CCNL2: variants seen among roughly 807,000 people sequenced by gnomAD.
CCNL2 encodes the protein cyclin L2, also known as cyclin-L2.
A neutral mutation model predicts 59.1 loss-of-function variants in CCNL2; 28 were observed. The observed-to-expected ratio is 0.47, with a 90% confidence interval of 0.35 to 0.65. The LOEUF (loss-of-function observed/expected upper bound fraction) is 0.65. CCNL2 is among the 30% of genes least tolerant of loss of function. CCNL2 has a pLI of 0.00. For missense variants in CCNL2, 714 were observed against 717.4 expected (o/e 1.00, Z 0.05); for synonymous variants, 342 against 288.6 (o/e 1.19, Z -1.88).
Position 1,386,498 on chromosome 1 carries a change from T to G in CCNL2, c.*733A>C, listed in dbSNP as rs1014080495. 3 of 152,626 alleles carry G rather than the reference T, an allele frequency of 2.0e-5. No homozygotes were observed. Among genetic ancestry groups the G allele is most frequent in the Admixed American group, 6.5e-5 (1 of 15,276 alleles). 9.5% of individuals were successfully genotyped at this position (152,626 alleles called of 1,614,324 possible). A position where few individuals can be genotyped will look rare whatever the true frequency, so the allele number is the denominator to read the frequency against. On this transcript the variant is annotated 3_prime_UTR_variant, in exon 11 of 11. Transcript: ENST00000400809. ...CACGTCCATAACGCTCCGGATGTCC[T>G]GAGTGGAGAGAGTTGTGTTTATTCA...
intron 3 of CCNL2, among the ~76,000 whole-genome samples, chr1:1,396,466 A>G (rs1645027658): frequency 6.8e-6 from 1 of 147,534 alleles, no homozygotes; most frequent in South Asian, 2.4e-4. Context: ...GGGTTTCTAC[A>G]TGTTGGTCAG....
At chr1:1,391,446 G>A (rs1644756901) in intron 5 of CCNL2, 4 of 1,233,716 alleles carry the variant, frequency 3.2e-6, no homozygotes, top group South Asian at 1.4e-5. Context: ...CCACTTGGAA[G>A]AGGGAAAAGC....
intron 8 of CCNL2, 110 bp from the exon 9 acceptor site, chr1:1,388,175 A>T: frequency 1.2e-6 from 1 of 811,154 alleles, no homozygotes. Context: ...CGACGCAAGC[A>T]GACTGTAACT....
intron 5 of CCNL2, chr1:1,392,963 G>A: frequency 1.4e-6 from 1 of 724,676 alleles, no homozygotes; most frequent in Non-Finnish European, 2.3e-6. Context: ...ATACTACATT[G>A]CACTTTAGGG....
At chr1:1,390,990 G>A (rs887642798) in intron 5 of CCNL2, 125 bp from the exon 6 acceptor site, 2 of 907,114 alleles carry the variant, frequency 2.2e-6, no homozygotes, top group African/African-American at 3.3e-5. Context: ...CTAGGACTCA[G>A]AGCTAGACAG....
chr1:1,392,362 C>T (rs187897476), intron 5 of CCNL2: 18 of 1,041,568 alleles, frequency 1.7e-5, no homozygotes, highest in Non-Finnish European at 2.1e-5. Context: ...TAAAGATGCA[C>T]ACCTTTTACC....
At chr1:1,388,858 C>T (rs1035324594) in intron 8 of CCNL2, 7 of 361,862 alleles carry the variant, frequency 1.9e-5, no homozygotes, top group Non-Finnish European at 3.1e-5. Flanking sequence ...GGCAGATCAA[C>T]TGAGATCAGG....
intron 3 of CCNL2, among the ~76,000 whole-genome samples, chr1:1,396,111 G>A (rs898756026): frequency 1.5e-4 from 22 of 150,444 alleles, no homozygotes; most frequent in African/African-American, 4.9e-4. Context: ...CCCAGGAGGC[G>A]GAGGTTTCAG....
intron 3 of CCNL2, among the ~76,000 whole-genome samples, chr1:1,396,747 TTTTTTTTTTA>T (rs1465502070): frequency 1.6e-4 from 23 of 143,268 alleles, no homozygotes; most frequent in Non-Finnish European, 2.8e-4. Context: ...ACCCGGCTAA[TTTTTTTTTTA>T]TTTTTTTTTG....
At chr1:1,395,926 C>T (rs1644994881) in intron 3 of CCNL2, among the ~76,000 whole-genome samples, 2 of 152,208 alleles carry the variant, frequency 1.3e-5, no homozygotes, top group South Asian at 4.2e-4. Flanking sequence ...GCCTGTAATC[C>T]CAGCACTTTG....
intron 5 of CCNL2, chr1:1,391,178 G>C (rs1644743812): frequency 8.7e-7 from 1 of 1,155,550 alleles, no homozygotes; most frequent in Non-Finnish European, 1.1e-6. Context: ...CTCAACCTTG[G>C]CCTGCTCTCA....
chr1:1,392,819 T>C (rs1269750965), intron 5 of CCNL2: 7 of 1,611,698 alleles, frequency 4.3e-6, no homozygotes, highest in Non-Finnish European at 5.9e-6. Context: ...ATTGAAAGAG[T>C]ACAGAAAAGA....
At chr1:1,393,269 TG>T in intron 5 of CCNL2, 126 bp downstream of exon 5, 1 of 763,788 alleles carries the variant, frequency 1.3e-6, no homozygotes, top group Non-Finnish European at 2.3e-6. Context: ...GCAGGAGCAC[TG>T]GGCACTCGGA....
In CCNL2 at chr1:1,399,094, G is replaced by C. The variant is rs766026340; in HGVS notation, c.213C>G (p.Thr71=). The C allele has an allele frequency of 6.2e-7, 1 of 1,611,756 alleles. No homozygotes were observed. Among genetic ancestry groups the C allele is most frequent in the South Asian group, 1.1e-5 (1 of 90,966 alleles). The change falls in exon 1 of 11, where the codon ACC becomes ACG. Residue 71 remains threonine (T), a synonymous_variant. Transcript: ENST00000400809. ...FTPSMSSGLD[T]DTETDLRVVG... ...CCACGCGGAGGTCGGTCTCTGTGTC[G>C]GTGTCGAGGCCGCTCGACATGGACG...
rs1408712049 is a variant in CCNL2 at position 1,390,462 on chromosome 1, T to C, written c.861A>G (p.Lys287=). Reference sequence around the variant, plus strand: ...ACATGAAAAAATGCCGAAGAACCTTTTTCCGAGCATAAAGCTGCAAGATCT... The same window carrying C: ...ACATGAAAAAATGCCGAAGAACCTTCTTCCGAGCATAAAGCTGCAAGATCT... The part of the protein sequence containing the change: ...CLKILQLYAR[K]KVDLTHLEGE... Residue 287 remains lysine, a synonymous_variant, in exon 7 of 11, where the codon AAA becomes AAG. Coordinates refer to ENST00000400809, the MANE Select transcript of CCNL2 (RefSeq NM_030937.6). The C allele has an allele frequency of 6.2e-7, 1 of 1,613,284 alleles. No individual in the cohort carries two copies. The highest frequency in any genetic ancestry group is 1.1e-5 in the South Asian group (1 of 90,842).
Position 1,388,084 on chromosome 1 carries a change from G to GT in CCNL2, c.1007-20dup, listed in dbSNP as rs1557709511. The stretch of plus-strand genomic sequence containing the variant: ...GATTCCACTAGAATCAGAACAAGAG[G>GT]TTAAAAGCCAACCACAAAACACTCT... On this transcript the variant is annotated intron_variant, in intron 8 of 10. Transcript: ENST00000400809. 6.3e-7 allele frequency: 1 copy of GT among 1,592,426 alleles called. No individual in the cohort carries two copies. Among genetic ancestry groups the GT allele is most frequent in the Non-Finnish European group, 8.6e-7 (1 of 1,160,914 alleles).
chr1:1,388,447 G>C (rs1485709546), intron 8 of CCNL2: 1 of 444,348 alleles, frequency 2.3e-6, no homozygotes, highest in Non-Finnish European at 4.5e-6. Context: ...CTTGGACCCA[G>C]GAGGCGGAGG....
Position 1,387,456 on chromosome 1 carries a change from G to A in CCNL2, c.1338C>T (p.Ser446=), listed in dbSNP as rs1281784655. 1.2e-6 allele frequency: 2 copies of A among 1,613,480 alleles called. No individual in the cohort carries two copies. Among genetic ancestry groups the A allele is most frequent in the Middle Eastern group, 1.7e-4 (1 of 6,060 alleles). ...APYKGSEIRG[S]RKSKDCKYPQ... is the part of the protein sequence containing the mutation. ...GGTACTTGCAGTCCTTGGACTTCCGGGAGCCCCGAATCTCAGAGCCTTTGT... is the reference window on the plus strand; with the variant it reads ...GGTACTTGCAGTCCTTGGACTTCCGAGAGCCCCGAATCTCAGAGCCTTTGT... The change falls in exon 11 of 11, where the codon TCC becomes TCT. Residue 446 remains serine (S), a synonymous_variant. Coordinates refer to ENST00000400809, the MANE Select transcript of CCNL2 (RefSeq NM_030937.6).
intron 3 of CCNL2, 82 bp downstream of exon 3, chr1:1,398,151 G>C (rs1016699354): frequency 7.5e-7 from 1 of 1,334,908 alleles, no homozygotes; most frequent in South Asian, 1.2e-5. Context: ...CCTGTATTGT[G>C]TTATACAAGC....
Sources: allele counts gnomAD v4.1 joint callset (sites outside exome capture counted in the v4.1 genomes callset), GRCh38; gene constraint gnomAD v4.1.1; transcripts MANE v1.5; gene names NCBI Gene and HGNC (gene_info 2026-07-23, HGNC 2026-07-21).